CADPS2: variants seen among roughly 807,000 people sequenced by gnomAD.
The protein encoded by CADPS2 is calcium-dependent secretion activator 2.
Under a neutral mutation model 172.5 loss-of-function variants are expected in CADPS2, and 93 were observed. That is an observed-to-expected ratio of 0.54 (90% CI 0.46 to 0.64). The LOEUF (loss-of-function observed/expected upper bound fraction) is 0.64. CADPS2 is among the 30% of genes least tolerant of loss of function. The pLI is 0.00. For synonymous variants in CADPS2, 546 were observed against 555.2 expected, an observed-to-expected ratio of 0.98 and a Z score of 0.23; for missense variants, 1,420 against 1,565.9, an observed-to-expected ratio of 0.91 and a Z score of 1.57.
At chr7:122,592,753 C>T (rs1416885698) in intron 6 of CADPS2, among the ~76,000 whole-genome samples, 6 of 151,128 alleles carry the variant, frequency 4.0e-5, no homozygotes, top group East Asian at 2.0e-4. Flanking sequence ...AACCAAACAC[C>T]GCATGTTCTC....
chr7:122,589,819 A>G (rs1000437434), intron 6 of CADPS2, among the ~76,000 whole-genome samples: 1 of 151,898 alleles, frequency 6.6e-6, no homozygotes, highest in Non-Finnish European at 1.5e-5. Flanking sequence ...AGGGACTTCT[A>G]CCTTACAAGT....
At chr7:122,709,054 A>G (rs1381532464) in intron 2 of CADPS2, among the ~76,000 whole-genome samples, 1 of 152,050 alleles carries the variant, frequency 6.6e-6, no homozygotes, top group East Asian at 1.9e-4. Context: ...TCAAAAGAGG[A>G]AAAATATACC....
rs1175695594 is a variant in CADPS2, at chr7:122,407,539, C to CT, written c.2746dup (p.Thr916AsnfsTer5). The CT allele has an allele frequency of 6.2e-7, 1 of 1,609,028 alleles. No individual in the cohort carries two copies. Among genetic ancestry groups the CT allele is most frequent in the Non-Finnish European group, 8.5e-7 (1 of 1,178,140 alleles). On this transcript the variant is annotated frameshift_variant and splice_region_variant. Coordinates refer to ENST00000449022, the MANE Select transcript of CADPS2 (RefSeq NM_017954.11). LOFTEE classifies it high-confidence loss of function. ...ATATGAAAGAAAACGCAAATGCTCA[C>CT]TGTCATTTCGGAGGAAATTATTAAG...
intron 11 of CADPS2, among the ~76,000 whole-genome samples, chr7:122,482,126 G>A (rs560900426): frequency 1.3e-5 from 2 of 152,232 alleles, no homozygotes; most frequent in African/African-American, 2.4e-5. Context: ...ATAGCCACGA[G>A]CTCAACACAT....
At position 122,350,105 on chromosome 7, in the gene CADPS2, G is replaced by A. The variant is rs1283717678; in HGVS notation, c.3505-4424C>T. On this transcript the variant is annotated intron_variant, in intron 27 of 29. Coordinates refer to ENST00000449022, the MANE Select transcript of CADPS2 (RefSeq NM_017954.11). ...AAGCTTGCCTTGAAGAAACAATCAA[G>A]AGTGGAAGTGTAATATCCTGCGTTA... Among the ~76,000 whole-genome samples, 5 of 152,286 alleles carry A rather than the reference G, an allele frequency of 3.3e-5. No individual in the cohort carries two copies. The South Asian group carries it at 1.0e-3, about 32-fold the overall frequency.
intron 1 of CADPS2, among the ~76,000 whole-genome samples, chr7:122,862,592 T>C (rs772164693): frequency 4.6e-5 from 7 of 152,208 alleles, no homozygotes; most frequent in East Asian, 3.9e-4. Context: ...CTTCCCTCCA[T>C]AGTCAATCCC....
chr7:122,703,156 T>C (rs1183639026), intron 2 of CADPS2, among the ~76,000 whole-genome samples: 1 of 152,158 alleles, frequency 6.6e-6, no homozygotes, highest in African/African-American at 2.4e-5. Flanking sequence ...GGTAAGAATT[T>C]TTTAAAGCCT....
chr7:122,840,727 G>A (rs1223164868), intron 1 of CADPS2, among the ~76,000 whole-genome samples: 1 of 152,038 alleles, frequency 6.6e-6, no homozygotes, highest in Admixed American at 6.6e-5. Context: ...ACTAGTCTGA[G>A]TAACACAAGG....
intron 9 of CADPS2, among the ~76,000 whole-genome samples, chr7:122,492,880 A>G (rs1246760188): frequency 6.6e-6 from 1 of 152,056 alleles, no homozygotes; most frequent in Non-Finnish European, 1.5e-5. Flanking sequence ...AAAAATATTT[A>G]TAGAGAAAAG....
At chr7:122,813,703 T>C (rs993840691) in intron 1 of CADPS2, among the ~76,000 whole-genome samples, 2 of 152,136 alleles carry the variant, frequency 1.3e-5, no homozygotes, top group African/African-American at 4.8e-5. Context: ...GGAAAAGCCT[T>C]ATCCCAATTA....
intron 25 of CADPS2, among the ~76,000 whole-genome samples, chr7:122,377,003 A>G (rs1563185691): frequency 6.6e-6 from 1 of 152,168 alleles, no homozygotes; most frequent in Non-Finnish European, 1.5e-5. Flanking sequence ...GGTTCAACCT[A>G]TCAAGTAAAC....
chr7:122,404,177 G>A (rs1413223630), intron 20 of CADPS2, among the ~76,000 whole-genome samples: 1 of 151,482 alleles, frequency 6.6e-6, no homozygotes, highest in Non-Finnish European at 1.5e-5. Context: ...AGTGTGGGAT[G>A]TTCCCCTTCC....
At chr7:122,361,815 T>C (rs1197078492) in intron 25 of CADPS2, among the ~76,000 whole-genome samples, 1 of 152,130 alleles carries the variant, frequency 6.6e-6, no homozygotes, top group African/African-American at 2.4e-5. Flanking sequence ...GGCTCATGCC[T>C]GTAATTCCAG....
At chr7:122,706,107 T>TATATATTCAAGGAATATATATATGCTA (rs2087389644) in intron 2 of CADPS2, among the ~76,000 whole-genome samples, 1 of 95,782 alleles carries the variant, frequency 1.0e-5, no homozygotes, top group African/African-American at 4.2e-5. Flanking sequence ...TATATATGCT[T>TATATATTCAAGGAATATATATATGCTA]ATATATTCAA....
chr7:122,473,338 C>T (rs1037742859), intron 13 of CADPS2, among the ~76,000 whole-genome samples: 1 of 152,260 alleles, frequency 6.6e-6, no homozygotes, highest in East Asian at 1.9e-4. Context: ...CACGTGGCTG[C>T]GCCAGAGTCT....
chr7:122,558,215 G>T (rs1436637939), intron 7 of CADPS2, among the ~76,000 whole-genome samples: 1 of 151,844 alleles, frequency 6.6e-6, no homozygotes, highest in East Asian at 1.9e-4. Context: ...TTTTTTATTA[G>T]AAGCAGTTCC....
chr7:122,410,030 T>C (rs2047109067), intron 19 of CADPS2, among the ~76,000 whole-genome samples: 1 of 152,168 alleles, frequency 6.6e-6, no homozygotes, highest in Admixed American at 6.5e-5. Flanking sequence ...AAACCTTGAT[T>C]TTAAGTCCTT....
At chr7:122,664,781 T>A (rs756951446) in intron 2 of CADPS2, among the ~76,000 whole-genome samples, 12 of 151,786 alleles carry the variant, frequency 7.9e-5, no homozygotes, top group Non-Finnish European at 1.5e-4. Flanking sequence ...AAAATTCAAG[T>A]CAACTTTTTT....
At chr7:122,611,259 T>C (rs1173768224) in intron 6 of CADPS2, among the ~76,000 whole-genome samples, 2 of 152,030 alleles carry the variant, frequency 1.3e-5, no homozygotes, top group Non-Finnish European at 1.5e-5. Flanking sequence ...CAAGAAATCA[T>C]CCTAGAAATG....
Sources: allele counts gnomAD v4.1 joint callset (sites outside exome capture counted in the v4.1 genomes callset), GRCh38; gene constraint gnomAD v4.1.1; transcripts MANE v1.5; gene names NCBI Gene and HGNC (gene_info 2026-07-23, HGNC 2026-07-21).